MPP7: variants seen among roughly 807,000 people sequenced by gnomAD.
MPP7 encodes the protein MAGUK p55 scaffold protein 7.
MPP7 carries 60 observed loss-of-function variants against 76.5 expected under a neutral mutation model. The observed-to-expected ratio is 0.78, with a 90% CI of 0.64 to 0.97. The LOEUF (loss-of-function observed/expected upper bound fraction) is 0.97, where lower values mean the gene tolerates loss of function less well. MPP7 is among the 50% of genes least tolerant of loss of function. The probability of loss-of-function intolerance (pLI) is 0.00; values close to 1 mark genes in which losing one functional copy is unlikely to be tolerated. For missense variants in MPP7, 641 were observed against 694.0 expected, an observed-to-expected ratio of 0.92 and a Z score of 0.86; for synonymous variants, 237 against 244.5, an observed-to-expected ratio of 0.97 and a Z score of 0.29.
chr10:28,287,535 T>C (rs951806450), intron 1 of MPP7, among the ~76,000 whole-genome samples: 42 of 152,208 alleles, frequency 2.8e-4, no homozygotes, highest in African/African-American at 9.6e-4. Context: ...ATCTTTCTTA[T>C]TCATGCATGA....
chr10:28,304,144 G>A (rs1841228530), upstream of MPP7, among the ~76,000 whole-genome samples: 1 of 152,130 alleles, frequency 6.6e-6, no homozygotes, highest in Non-Finnish European at 1.5e-5. Context: ...GGAGAGGAAG[G>A]GGATTGAGAT....
chr10:28,146,073 T>G, intron 5 of MPP7, among the ~76,000 whole-genome samples: 1 of 152,208 alleles, frequency 6.6e-6, no homozygotes, highest in East Asian at 1.9e-4. Context: ...TAACAAGATA[T>G]TCATAGCTAA....
intron 11 of MPP7, among the ~76,000 whole-genome samples, chr10:28,093,766 A>G (rs1853431756): frequency 6.6e-6 from 1 of 152,140 alleles, no homozygotes; most frequent in Admixed American, 6.5e-5. Flanking sequence ...CTTTCATCAT[A>G]AACAATGAAG....
intron 2 of MPP7, among the ~76,000 whole-genome samples, chr10:28,214,003 T>C (rs1564706687): frequency 6.6e-6 from 1 of 152,100 alleles, no homozygotes; most frequent in East Asian, 1.9e-4. Flanking sequence ...CCTTCTATAG[T>C]AGGATCCATA....
chr10:28,260,764 C>T (rs916855174), intron 1 of MPP7, among the ~76,000 whole-genome samples: 9 of 100,080 alleles, frequency 9.0e-5, no homozygotes, highest in African/African-American at 3.3e-4. Context: ...AGAGAGACTC[C>T]ATCTCAAAAA....
At chr10:28,253,532 A>G (rs1839684645) in intron 1 of MPP7, among the ~76,000 whole-genome samples, 1 of 152,244 alleles carries the variant, frequency 6.6e-6, no homozygotes, top group Non-Finnish European at 1.5e-5. Context: ...AAGGAAACCT[A>G]CAAGCATCAG....
chr10:28,286,187 A>G (rs1029205261), intron 1 of MPP7, among the ~76,000 whole-genome samples: 9 of 152,002 alleles, frequency 5.9e-5, no homozygotes, highest in African/African-American at 1.9e-4. Flanking sequence ...TACTAAAAAT[A>G]CAGAAAAAAT....
At chr10:28,156,888 G>A (rs1021395335) in intron 3 of MPP7, among the ~76,000 whole-genome samples, 2 of 152,160 alleles carry the variant, frequency 1.3e-5, no homozygotes, top group Admixed American at 6.5e-5. Context: ...AAGAAAAAGT[G>A]TAACAGTGAG....
chr10:28,064,453 G>A (rs1388229522), intron 13 of MPP7, among the ~76,000 whole-genome samples: 2 of 152,174 alleles, frequency 1.3e-5, no homozygotes, highest in Admixed American at 6.5e-5. Flanking sequence ...GGAACAGGGT[G>A]GAAGACTGGA....
chr10:28,091,872 T>C (rs1470559789), intron 11 of MPP7, among the ~76,000 whole-genome samples: 2 of 152,166 alleles, frequency 1.3e-5, no homozygotes, highest in Non-Finnish European at 2.9e-5. Flanking sequence ...TTACAAGTAA[T>C]CTGGAGATGA....
upstream of MPP7, among the ~76,000 whole-genome samples, chr10:28,304,329 T>C (rs1324225713): frequency 6.6e-6 from 1 of 152,156 alleles, no homozygotes; most frequent in Non-Finnish European, 1.5e-5. Context: ...AAACAGGCTA[T>C]TTGAAATTAA....
chr10:28,074,359 G>A (rs989780220), intron 12 of MPP7, among the ~76,000 whole-genome samples: 2 of 151,576 alleles, frequency 1.3e-5, no homozygotes, highest in Non-Finnish European at 2.9e-5. Flanking sequence ...GTACAATGGC[G>A]TGATCATGGC....
chr10:28,229,907 CAAAA>C (rs929690441), intron 2 of MPP7, among the ~76,000 whole-genome samples: 1 of 149,902 alleles, frequency 6.7e-6, no homozygotes, highest in African/African-American at 2.4e-5. Flanking sequence ...AAAACAAAAA[CAAAA>C]AGAACTGTGA....
At chr10:28,056,419 A>G (rs1261482512) in intron 16 of MPP7, 61 bp downstream of exon 16, 4 of 1,538,968 alleles carry the variant, frequency 2.6e-6, no homozygotes, top group Non-Finnish European at 2.6e-6. Context: ...TCGGCCTCCC[A>G]AAGTGCTGGG....
rs570499716 is a variant in MPP7, at chr10:28,103,101, G to A, written c.953-13260C>T. 4.6e-5 allele frequency among the ~76,000 whole-genome samples: 7 copies of A among 151,588 alleles called. No homozygotes were observed. In the South Asian group the frequency reaches 8.4e-4, roughly 18 times the overall value. On this transcript the variant is annotated intron_variant, in intron 11 of 16. Coordinates refer to ENST00000683449, the MANE Select transcript of MPP7 (RefSeq NM_001318170.2). ...CTTTGCACACACTTGTGCACAATGCGTCCTGTCTCAGGGCCTTTGCACATG... is the reference window on the plus strand; with the variant it reads ...CTTTGCACACACTTGTGCACAATGCATCCTGTCTCAGGGCCTTTGCACATG...
chr10:28,174,110 A>T (rs1036670906), intron 3 of MPP7, among the ~76,000 whole-genome samples: 1 of 152,202 alleles, frequency 6.6e-6, no homozygotes, highest in Non-Finnish European at 1.5e-5. Context: ...CTTCAAAAAC[A>T]AAAAGCAAAG....
intron 1 of MPP7, among the ~76,000 whole-genome samples, chr10:28,270,673 T>C (rs1163000192): frequency 6.6e-6 from 1 of 152,132 alleles, no homozygotes; most frequent in Non-Finnish European, 1.5e-5. Context: ...TTCTTAAACA[T>C]GCAGTAGGAA....
chr10:28,233,370 C>G (rs1031031648), intron 2 of MPP7, among the ~76,000 whole-genome samples: 2 of 152,158 alleles, frequency 1.3e-5, no homozygotes, highest in African/African-American at 4.8e-5. Flanking sequence ...GGTTAACTTA[C>G]ACACATACAC....
intron 2 of MPP7, among the ~76,000 whole-genome samples, chr10:28,212,583 G>A (rs1425459650): frequency 6.6e-6 from 1 of 152,126 alleles, no homozygotes; most frequent in Non-Finnish European, 1.5e-5. Flanking sequence ...AAAGCCATGA[G>A]GTAAAATGAG....
Sources: gnomAD v4.1 joint callset for allele counts (sites outside exome capture counted in the v4.1 genomes callset) on GRCh38, gnomAD v4.1.1 for gene constraint, MANE v1.5 for transcripts, NCBI Gene and HGNC (gene_info 2026-07-23, HGNC 2026-07-21) for gene names.